Variants in NFE2L1 observed in about 807,000 individuals in gnomAD.
NFE2L1 encodes the protein endoplasmic reticulum membrane sensor NFE2L1.
NFE2L1 carries 18 observed loss-of-function variants against 61.6 expected under a neutral mutation model. The ratio of observed to expected loss-of-function variants is 0.29; its 90% CI spans 0.20 to 0.43. The LOEUF is 0.43. Among genes scored for constraint, NFE2L1 ranks in the 20% least tolerant of loss-of-function variants. NFE2L1 has a pLI of 1.00. For synonymous variants in NFE2L1, 419 were observed against 402.7 expected, an observed-to-expected ratio of 1.04 and a Z score of -0.48; for missense variants, 827 against 973.5, an observed-to-expected ratio of 0.85 and a Z score of 2.00.
At chr17:48,056,694 C>A in intron 3 of NFE2L1, 96 bp downstream of exon 3, 1 of 1,446,864 alleles carries the variant, frequency 6.9e-7, no homozygotes, top group South Asian at 1.3e-5. Context: ...TTAGAGAAGA[C>A]AGGTGGTGTG....
At chr17:48,058,214 T>G in intron 5 of NFE2L1, 81 bp from the exon 6 acceptor site, 1 of 1,500,654 alleles carries the variant, frequency 6.7e-7, no homozygotes, top group Non-Finnish European at 8.9e-7. Flanking sequence ...CAGCTGTGCC[T>G]CTGTTGGGTG....
At chr17:48,056,219 T>A (rs905104951) in intron 2 of NFE2L1, among the ~76,000 whole-genome samples, 167 bp from the exon 3 acceptor site, 8 of 152,058 alleles carry the variant, frequency 5.3e-5, no homozygotes, top group Middle Eastern at 3.4e-3. Flanking sequence ...AGTAGATGAA[T>A]GAACACTTGC....
chr17:48,058,875 T>C lies in NFE2L1; in HGVS notation c.1553T>C (p.Phe518Ser), dbSNP rs1370941940. ...SSASSSASSS[F>S]SEEGAVGYSS... ...GCTTCTTCCTCTGCCTCTTCCTCCT[T>C]TTCTGAGGAAGGTGCGGTTGGCTAC... Residue 518 changes from phenylalanine (F) to serine (S), a missense_variant, in exon 6 of 6, where the codon TTT (phenylalanine) becomes TCT (serine). Around this residue, in one of 3 missense-constraint regions of NFE2L1, gnomAD observed 667 missense variants for 748.4 expected, o/e 0.89. Transcript: ENST00000362042. The C allele has an allele frequency of 2.5e-6, 4 of 1,613,658 alleles. No homozygotes were observed. Among genetic ancestry groups the C allele is most frequent in the Non-Finnish European group, 2.5e-6 (3 of 1,179,986 alleles).
At chr17:48,052,353 GGCT>G (rs1378285142) in intron 2 of NFE2L1, among the ~76,000 whole-genome samples, 5 of 152,208 alleles carry the variant, frequency 3.3e-5, no homozygotes, top group South Asian at 4.1e-4. Flanking sequence ...AGATGTGAAT[GGCT>G]GCTGCTGCCC....
At chr17:48,055,078 C>G (rs2037362144) in intron 2 of NFE2L1, 1 of 1,481,064 alleles carries the variant, frequency 6.8e-7, no homozygotes, top group Non-Finnish European at 8.9e-7. Context: ...GCAGCCGGCC[C>G]CTTAACTCTT....
At chr17:48,049,263 CCTT>C (rs2037180356) in intron 1 of NFE2L1, 1 of 152,278 alleles carries the variant, frequency 6.6e-6, no homozygotes, top group African/African-American at 2.4e-5. Context: ...GTGGCCATAT[CCTT>C]CTGCTTTGGC....
intron 2 of NFE2L1, chr17:48,056,079 G>C (rs2037393388): frequency 3.0e-6 from 1 of 338,820 alleles, no homozygotes. Context: ...ATGTAGGGGG[G>C]AGGCGGCCCT....
Position 48,055,102 on chromosome 17 carries a change from C to G in NFE2L1, c.511-1284C>G, listed in dbSNP as rs995452355. On this transcript the variant is annotated intron_variant, in intron 2 of 5. Transcript: ENST00000362042. ...CCCTTAACTCTTTGCTGGCTGGTCA[C>G]CGGGTGGCCCAGCCCGCCTCTGCTC... 9 of 1,445,338 alleles carry G rather than the reference C, an allele frequency of 6.2e-6. No individual in the cohort carries two copies. In the African/African-American group the frequency reaches 1.3e-4, roughly 21 times the overall value. 89.5% of individuals were successfully genotyped at this position (1,445,338 alleles called of 1,614,324 possible).
At chr17:48,048,775 G>C (rs2037157098) in intron 1 of NFE2L1, 1 of 152,736 alleles carries the variant, frequency 6.5e-6, no homozygotes, top group South Asian at 2.1e-4. Context: ...TCAAGGCCAG[G>C]GAAGTAGCAC....
At chr17:48,054,551 A>G in intron 2 of NFE2L1, 2 of 1,163,952 alleles carry the variant, frequency 1.7e-6, no homozygotes, top group Non-Finnish European at 2.1e-6. Flanking sequence ...CCAGCTGCTG[A>G]CCTGGGGGAG....
At position 48,059,630 on chromosome 17, in the gene NFE2L1, C is replaced by T. The variant is rs1475873108; in HGVS notation, c.2308C>T (p.Arg770Trp). 12 of 1,554,700 alleles carry T rather than the reference C, an allele frequency of 7.7e-6. No individual in the cohort carries two copies. Among genetic ancestry groups the T allele is most frequent in the African/African-American group, 1.4e-5 (1 of 72,940 alleles). ...ARRQERKPKDRRK is the reference protein window; with the variant it reads ...ARRQERKPKDWRK ...GCGGCAGGAGAGGAAGCCAAAGGAC[C>T]GGAGAAAGTGAGCCTGGGGAAGAAG... is the stretch of plus-strand genomic sequence containing the variant. Residue 770 changes from arginine (R) to tryptophan (W), a missense_variant, in exon 6 of 6, where the codon CGG (arginine) becomes TGG (tryptophan). By Grantham distance (101) the Arg-to-Trp change is moderately radical. Coordinates refer to ENST00000362042, the MANE Select transcript of NFE2L1 (RefSeq NM_003204.3). The surrounding 1 kb of genome is among the most constrained non-coding windows in gnomAD (Gnocchi z 6.1).
chr17:48,050,923 C>A lies in NFE2L1; in HGVS notation c.-196C>A. ...AAGTGAATGTGGTCTGGAGTGTGTC[C>A]TTGGCCTTGGCTCCACAGGGTGTGC... On this transcript the variant is annotated 5_prime_UTR_variant, in exon 2 of 6. Transcript: ENST00000362042. The A allele has an allele frequency of 1.6e-6, 1 of 640,242 alleles. No individual in the cohort carries two copies. Among genetic ancestry groups the A allele is most frequent in the Admixed American group, 2.7e-5 (1 of 37,128 alleles). The allele number at this position is 640,242 out of a possible 1,614,324, so 39.7% of individuals were successfully genotyped here.
Position 48,059,181 on chromosome 17 carries a change from C to T in NFE2L1, c.1859C>T (p.Ala620Val). ...QMSRDEHRAR[A>V]MKIPFTNDKI... is the part of the protein sequence containing the mutation. The stretch of plus-strand genomic sequence containing the variant: ...AGCCGGGATGAGCACCGAGCCCGAG[C>T]CATGAAGATCCCTTTCACCAATGAC... Residue 620 changes from alanine (A) to valine (V), a missense_variant, in exon 6 of 6, where the codon GCC (alanine) becomes GTC (valine). This residue lies in a region of NFE2L1 where 74 missense variants were observed against 127.8 expected (regional missense o/e 0.58). Transcript: ENST00000362042. The surrounding 1 kb of genome is among the most constrained non-coding windows in gnomAD (Gnocchi z 6.1). 6.2e-7 allele frequency: 1 copy of T among 1,614,126 alleles called. No homozygotes were observed. Among genetic ancestry groups the T allele is most frequent in the Non-Finnish European group, 8.5e-7 (1 of 1,180,032 alleles).
intron 2 of NFE2L1, among the ~76,000 whole-genome samples, chr17:48,053,160 A>T (rs1475948765): frequency 6.6e-6 from 1 of 152,082 alleles, no homozygotes; most frequent in Non-Finnish European, 1.5e-5. Flanking sequence ...TGCTCCTGGA[A>T]ACCCTGCAGG....
chr17:48,055,581 G>A (rs2037380191), intron 2 of NFE2L1, among the ~76,000 whole-genome samples: 1 of 149,624 alleles, frequency 6.7e-6, no homozygotes, highest in Non-Finnish European at 1.5e-5. Context: ...GGGGTATGGT[G>A]AGGGAATGAG....
At position 48,059,969 on chromosome 17, in the gene NFE2L1, T is replaced by A. The variant is rs2037507241; in HGVS notation, c.*328T>A. ...CGACAGAGGGGAAGGAATGGACCTG[T>A]GAGAGGAAGGGAAGGTGGCAGAAAG... On this transcript the variant is annotated 3_prime_UTR_variant, in exon 6 of 6. Coordinates refer to ENST00000362042, the MANE Select transcript of NFE2L1 (RefSeq NM_003204.3). The surrounding 1 kb of genome is among the most constrained non-coding windows in gnomAD (Gnocchi z 6.1). The A allele has an allele frequency of 4.3e-6, 1 of 232,666 alleles. No individual in the cohort carries two copies. The allele number at this position is 232,666 out of a possible 1,614,324, so 14.4% of individuals were successfully genotyped here. A position where few individuals can be genotyped will look rare whatever the true frequency, so the allele number is the denominator to read the frequency against.
At chr17:48,054,861 C>A in intron 2 of NFE2L1, 1 of 1,351,424 alleles carries the variant, frequency 7.4e-7, no homozygotes, top group Non-Finnish European at 9.5e-7. Flanking sequence ...GGCTGGGCCG[C>A]CCAGGCAGCA....
At position 48,058,179 on chromosome 17, in the gene NFE2L1, AT is replaced by A; in HGVS notation, c.973-115del. ...GAGCTGACACTGTGGGCTTTGGTTT[AT>A]AGTATTTTGCCTTTACACCCATGCA... On this transcript the variant is annotated intron_variant, in intron 5 of 5. Coordinates refer to ENST00000362042, the MANE Select transcript of NFE2L1 (RefSeq NM_003204.3). The A allele has an allele frequency of 2.8e-6, 4 of 1,411,120 alleles. No homozygotes were observed. The South Asian group carries it at 4.8e-5, about 17-fold the overall frequency. 87.4% of individuals were successfully genotyped at this position (1,411,120 alleles called of 1,614,324 possible).
In NFE2L1 at chr17:48,048,455, G is replaced by C. The variant is rs1294694831; in HGVS notation, c.-520G>C. The C allele has an allele frequency of 1.3e-5, 2 of 152,864 alleles. No individual in the cohort carries two copies. The highest frequency in any genetic ancestry group is 2.4e-5 in the African/African-American group (1 of 41,440). The allele number at this position is 152,864 out of a possible 1,614,324, so 9.5% of individuals were successfully genotyped here. A position where few individuals can be genotyped will look rare whatever the true frequency, so the allele number is the denominator to read the frequency against. On this transcript the variant is annotated 5_prime_UTR_variant, in exon 1 of 6. Coordinates refer to ENST00000362042, the MANE Select transcript of NFE2L1 (RefSeq NM_003204.3). ...CTGTGGAGGCAGCGGCGGACGCCGA[G>C]CTAAGCAGTGGGTATCGGGCACATT...
Sources: allele counts gnomAD v4.1 joint callset (sites outside exome capture counted in the v4.1 genomes callset), GRCh38; gene constraint gnomAD v4.1.1; regional missense constraint gnomAD v4.1.1; non-coding constraint Gnocchi (gnomAD v3.1); transcripts MANE v1.5; gene names NCBI Gene and HGNC (gene_info 2026-07-23, HGNC 2026-07-21).